DSCAM: variants seen among roughly 807,000 people sequenced by gnomAD.
The protein encoded by DSCAM is DS cell adhesion molecule.
Under a neutral mutation model 217.7 loss-of-function variants are expected in DSCAM, and 47 were observed. The ratio of observed to expected loss-of-function variants is 0.22; its 90% CI spans 0.17 to 0.28. The LOEUF (loss-of-function observed/expected upper bound fraction) is 0.28. DSCAM is among the 10% of genes least tolerant of loss of function. The probability of loss-of-function intolerance (pLI) is 1.00; values close to 1 mark genes in which losing one functional copy is unlikely to be tolerated. For missense variants in DSCAM, 2,080 were observed against 2,618.3 expected (o/e 0.79, Z 4.49); for synonymous variants, 1,056 against 1,015.3 (o/e 1.04, Z -0.76).
At chr21:40,578,078 G>C (rs1459088834) in intron 3 of DSCAM, among the ~76,000 whole-genome samples, 3 of 152,178 alleles carry the variant, frequency 2.0e-5, no homozygotes, top group Admixed American at 6.5e-5. Flanking sequence ...CATTACATTA[G>C]AAAACCAGGT....
chr21:40,081,638 T>C (rs1035047082), intron 24 of DSCAM, among the ~76,000 whole-genome samples: 3 of 152,188 alleles, frequency 2.0e-5, no homozygotes, highest in African/African-American at 7.2e-5. Flanking sequence ...GTAGGGACTC[T>C]GCTTTCCTCC....
intron 11 of DSCAM, among the ~76,000 whole-genome samples, chr21:40,233,554 G>A (rs1014317244): frequency 2.6e-5 from 4 of 152,098 alleles, no homozygotes; most frequent in Non-Finnish European, 5.9e-5. Flanking sequence ...GTATGCTGTT[G>A]ATATAATTAG....
intron 9 of DSCAM, among the ~76,000 whole-genome samples, chr21:40,310,112 G>A (rs1433236313): frequency 2.0e-5 from 3 of 152,186 alleles, no homozygotes; most frequent in African/African-American, 7.2e-5. Flanking sequence ...TTAATTGACA[G>A]GAGCTTCATC....
chr21:40,298,868 T>C (rs1001210708), intron 9 of DSCAM, among the ~76,000 whole-genome samples: 6 of 152,108 alleles, frequency 3.9e-5, no homozygotes, highest in Non-Finnish European at 7.4e-5. Flanking sequence ...TTGGTTCTAA[T>C]CCAACGAAAT....
rs2297268 is a variant in DSCAM at position 40,276,291 on chromosome 21, C to G, written c.2183-21G>C. The G allele has an allele frequency of 6.2e-4, 973 of 1,571,514 alleles. 12 individuals carry two copies. The South Asian group carries it at 8.0e-3, about 13-fold the overall frequency. On this transcript the variant is annotated intron_variant, in intron 10 of 32. Transcript: ENST00000400454. Reference sequence around the variant, plus strand: ...AGCACCTGAGACAGAAAAAGAAAGACGAGCAATGATGCAAACGAGAGTAAG... The same window carrying G: ...AGCACCTGAGACAGAAAAAGAAAGAGGAGCAATGATGCAAACGAGAGTAAG...
Position 40,593,178 on chromosome 21 carries a change from ATTTTT to A in DSCAM, c.508+99627_508+99631del, listed in dbSNP as rs375577171. 2.4e-3 allele frequency among the ~76,000 whole-genome samples: 372 copies of A among 152,134 alleles called. 3 individuals are homozygous for A. Among genetic ancestry groups the A allele is most frequent in the African/African-American group, 8.7e-3 (361 of 41,524 alleles). ...GAACTTCACAAAAAAGGATTTTTTA[ATTTTT>A]TTTTATTAAGTCTGTGCTATTAATA... On this transcript the variant is annotated intron_variant, in intron 3 of 32. Coordinates refer to ENST00000400454, the MANE Select transcript of DSCAM (RefSeq NM_001389.5).
chr21:40,155,106 G>A (rs139817342), intron 16 of DSCAM, among the ~76,000 whole-genome samples: 1 of 152,242 alleles, frequency 6.6e-6, no homozygotes, highest in East Asian at 1.9e-4. Context: ...CCTCTTTTTG[G>A]GACACTCCCT....
At chr21:40,491,877 AT>A (rs1568849288) in intron 3 of DSCAM, among the ~76,000 whole-genome samples, 1 of 152,076 alleles carries the variant, frequency 6.6e-6, no homozygotes, top group African/African-American at 2.4e-5. Flanking sequence ...GCCAACCCCT[AT>A]GCCATCACTC....
intron 19 of DSCAM, among the ~76,000 whole-genome samples, chr21:40,128,021 C>G (rs569039010): frequency 4.6e-5 from 7 of 151,986 alleles, no homozygotes; most frequent in Admixed American, 2.0e-4. Context: ...TAGCACACGT[C>G]ATTTCCTCCA....
At chr21:40,140,052 A>G (rs1343133255) in intron 18 of DSCAM, among the ~76,000 whole-genome samples, 1 of 151,854 alleles carries the variant, frequency 6.6e-6, no homozygotes, top group African/African-American at 2.4e-5. Context: ...GTCAGCAGTC[A>G]CTTCCTGCTC....
intron 3 of DSCAM, among the ~76,000 whole-genome samples, chr21:40,563,137 G>A (rs553927023): frequency 6.6e-6 from 1 of 152,054 alleles, no homozygotes; most frequent in Admixed American, 6.5e-5. Flanking sequence ...TGTCAAAACT[G>A]CCAGTGTGTT....
chr21:40,032,645 G>C (rs1042878243), intron 32 of DSCAM, among the ~76,000 whole-genome samples: 1 of 151,168 alleles, frequency 6.6e-6, no homozygotes, highest in Non-Finnish European at 1.5e-5. Context: ...AAAAGTGTTA[G>C]ATCTCGTCTG....
intron 11 of DSCAM, among the ~76,000 whole-genome samples, chr21:40,229,650 T>C (rs1273290562): frequency 6.6e-6 from 1 of 152,210 alleles, no homozygotes; most frequent in Non-Finnish European, 1.5e-5. Context: ...TAATATGCAC[T>C]TAATTTTAGT....
rs2089896368 is a variant in DSCAM at position 40,111,292 on chromosome 21, A to C, written c.3696+12903T>G. Among the ~76,000 whole-genome samples the C allele has an allele frequency of 5.3e-5, 8 of 152,228 alleles. No individual in the cohort carries two copies. The South Asian group carries it at 1.7e-3, about 32-fold the overall frequency. On this transcript the variant is annotated intron_variant, in intron 20 of 32. Coordinates refer to ENST00000400454, the MANE Select transcript of DSCAM (RefSeq NM_001389.5). ...TCTTAAAGAAAAGAATTTTCAACCC[A>C]GAATTTCATATCCAGCCAAACTAAG... is the stretch of plus-strand genomic sequence containing the variant.
intron 3 of DSCAM, among the ~76,000 whole-genome samples, chr21:40,594,351 C>A (rs1339016076): frequency 6.6e-6 from 1 of 152,126 alleles, no homozygotes; most frequent in Admixed American, 6.5e-5. Context: ...TGTGACATAG[C>A]TTATCACAAT....
At position 40,070,367 on chromosome 21, in the gene DSCAM, G is replaced by A. The variant is rs543146163; in HGVS notation, c.4888+4670C>T. Among the ~76,000 whole-genome samples, 45 of 118,682 alleles carry A rather than the reference G, an allele frequency of 3.8e-4. 2 individuals are homozygous for A. The East Asian group carries it at 0.013, about 34-fold the overall frequency. 77.9% of individuals were successfully genotyped at this position (118,682 alleles called of 152,430 possible). On this transcript the variant is annotated intron_variant, in intron 27 of 32. Coordinates refer to ENST00000400454, the MANE Select transcript of DSCAM (RefSeq NM_001389.5). ...AAGGAGGGAGGGAGGGAAGGAGGGA[G>A]GGAAGGAGAGAAAAGCAAGGAAGGA...
intron 3 of DSCAM, among the ~76,000 whole-genome samples, chr21:40,520,750 T>G (rs2076352434): frequency 6.6e-6 from 1 of 152,154 alleles, no homozygotes; most frequent in Non-Finnish European, 1.5e-5. Context: ...GAGGTTGCAG[T>G]GAGCCGAGAT....
At chr21:40,821,431 C>T (rs1338295944) in intron 1 of DSCAM, among the ~76,000 whole-genome samples, 4 of 151,758 alleles carry the variant, frequency 2.6e-5, no homozygotes, top group African/African-American at 9.7e-5. Flanking sequence ...CACAGCAGTG[C>T]TTTCAATGCC....
intron 4 of DSCAM, among the ~76,000 whole-genome samples, chr21:40,364,576 T>A (rs924107187): frequency 1.5e-4 from 22 of 151,318 alleles, no homozygotes; most frequent in Admixed American, 7.3e-4. Flanking sequence ...ATACCTAATG[T>A]TAAATGACGA....
Sources: gnomAD v4.1 joint callset for allele counts (sites outside exome capture counted in the v4.1 genomes callset) on GRCh38, gnomAD v4.1.1 for gene constraint, MANE v1.5 for transcripts, NCBI Gene and HGNC (gene_info 2026-07-23, HGNC 2026-07-21) for gene names.